Variants in PDE3A observed in about 807,000 individuals in gnomAD.
PDE3A encodes the protein phosphodiesterase 3A.
In PDE3A, 43 loss-of-function variants were observed where a neutral mutation model predicts 98.3. The ratio of observed to expected loss-of-function variants is 0.44; its 90% CI spans 0.34 to 0.56. The LOEUF is 0.56. PDE3A is among the 20% of genes least tolerant of loss of function. The probability of loss-of-function intolerance (pLI) is 0.01; values close to 1 mark genes in which losing one functional copy is unlikely to be tolerated. For missense variants in PDE3A, 1,427 were observed against 1,440.7 expected (o/e 0.99, Z 0.15); for synonymous variants, 663 against 567.9 (o/e 1.17, Z -2.38).
chr12:20,546,118 C>A (rs896577198), intron 1 of PDE3A, among the ~76,000 whole-genome samples: 1 of 151,910 alleles, frequency 6.6e-6, no homozygotes, highest in Non-Finnish European at 1.5e-5. Flanking sequence ...TTCCTGCCAG[C>A]AGAGATTTAA....
At chr12:20,441,574 G>T (rs1229125774) in intron 1 of PDE3A, among the ~76,000 whole-genome samples, 2 of 152,126 alleles carry the variant, frequency 1.3e-5, no homozygotes, top group Non-Finnish European at 2.9e-5. Flanking sequence ...AAAGAATTTA[G>T]GACATGATAC....
At chr12:20,651,004 AATTT>A (rs1944902631) in intron 14 of PDE3A, among the ~76,000 whole-genome samples, 2 of 152,170 alleles carry the variant, frequency 1.3e-5, no homozygotes, top group African/African-American at 2.4e-5. Flanking sequence ...TTTCCTAAAA[AATTT>A]ATTTATTATC....
At chr12:20,509,264 C>A (rs563179554) in intron 1 of PDE3A, among the ~76,000 whole-genome samples, 24 of 152,112 alleles carry the variant, frequency 1.6e-4, no homozygotes, top group Admixed American at 1.4e-3. Flanking sequence ...TAAACAGGAC[C>A]CATAGCATGA....
Position 20,639,977 on chromosome 12 carries a change from G to A in PDE3A, c.2251+20G>A, listed in dbSNP as rs376809077. 19 of 1,058,136 alleles carry A rather than the reference G, an allele frequency of 1.8e-5. No individual in the cohort carries two copies. The highest frequency in any genetic ancestry group is 2.2e-5 in the Non-Finnish European group (15 of 679,140). The allele number at this position is 1,058,136 out of a possible 1,614,324, so 65.5% of individuals were successfully genotyped here. On this transcript the variant is annotated intron_variant, in intron 10 of 15. Coordinates refer to ENST00000359062, the MANE Select transcript of PDE3A (RefSeq NM_000921.5). ...TTCCTTGTAAGTATATGTGATTTGT[G>A]AAATAATACTTTTAAAATATGTCGA...
At chr12:20,660,492 G>T (rs1945140893) in intron 15 of PDE3A, among the ~76,000 whole-genome samples, 1 of 151,706 alleles carries the variant, frequency 6.6e-6, no homozygotes, top group Non-Finnish European at 1.5e-5. Context: ...ACTTCCTGGA[G>T]ATTGGAGGGT....
At chr12:20,420,300 GTGTGACTC>G (rs1490465085) in intron 1 of PDE3A, among the ~76,000 whole-genome samples, 1 of 152,074 alleles carries the variant, frequency 6.6e-6, no homozygotes. Flanking sequence ...GAAAACTGCA[GTGTGACTC>G]TTACCTATAA....
chr12:20,657,696 G>T (rs754801198), intron 15 of PDE3A, among the ~76,000 whole-genome samples: 1 of 152,138 alleles, frequency 6.6e-6, no homozygotes, highest in Non-Finnish European at 1.5e-5. Context: ...TAGACCACCT[G>T]CAGGCTCTAA....
At chr12:20,413,063 T>C (rs1444645) in intron 1 of PDE3A, among the ~76,000 whole-genome samples, 93,957 of 152,092 alleles carry the variant, frequency 0.62, 30,803 homozygotes, top group East Asian at 0.88. Flanking sequence ...GTAACACTAT[T>C]CTGTCCTTTT....
In PDE3A at chr12:20,646,861, T is replaced by G. The variant is rs889556376; in HGVS notation, c.2476T>G (p.Leu826Val). The G allele has an allele frequency of 1.9e-6, 3 of 1,613,650 alleles. No homozygotes were observed. The highest frequency in any genetic ancestry group is 2.7e-5 in the African/African-American group (2 of 74,972). ...CLSGNIPALE[L>V]MALYVAAAMH... ...GTCTGGGAATATCCCTGCCTTGGAG[T>G]TGATGGCGCTGTATGTGGCTGCAGC... is the stretch of plus-strand genomic sequence containing the variant. Residue 826 changes from leucine to valine, a missense_variant, in exon 12 of 16, where the codon TTG becomes GTG. Physicochemically the swap from Leu to Val is conservative, Grantham distance 32. Transcript: ENST00000359062.
In PDE3A at chr12:20,616,224, T is replaced by C; in HGVS notation, c.1270-6T>C. On this transcript the variant is annotated splice_region_variant and splice_polypyrimidine_tract_variant and intron_variant, in intron 3 of 15. Coordinates refer to ENST00000359062, the MANE Select transcript of PDE3A (RefSeq NM_000921.5). ...TCTGGGTAATGAAGTCAAGTCTCTTTCCTAGCGCCTGAGAAGGAGTTTGCC... is the reference window on the plus strand; with the variant it reads ...TCTGGGTAATGAAGTCAAGTCTCTTCCCTAGCGCCTGAGAAGGAGTTTGCC... 6.2e-7 allele frequency: 1 copy of C among 1,613,532 alleles called. No homozygotes were observed. Among genetic ancestry groups the C allele is most frequent in the Non-Finnish European group, 8.5e-7 (1 of 1,179,672 alleles).
intron 1 of PDE3A, among the ~76,000 whole-genome samples, chr12:20,386,891 T>A (rs1020099963): frequency 7.9e-5 from 12 of 152,112 alleles, no homozygotes; most frequent in Admixed American, 1.3e-4. Flanking sequence ...TCTTCTAGGG[T>A]TTTTATAGTT....
chr12:20,600,557 T>C (rs563128313), intron 2 of PDE3A, among the ~76,000 whole-genome samples: 17 of 152,282 alleles, frequency 1.1e-4, no homozygotes, highest in African/African-American at 4.1e-4. Context: ...AGGCCATTCT[T>C]TACCTCCAGG....
intron 1 of PDE3A, among the ~76,000 whole-genome samples, chr12:20,452,413 C>A (rs946777148): frequency 1.3e-5 from 2 of 152,162 alleles, no homozygotes; most frequent in African/African-American, 2.4e-5. Flanking sequence ...TCTCTCTCAT[C>A]CCTTCATTAA....
chr12:20,668,184 G>C (rs1435118182), intron 15 of PDE3A, among the ~76,000 whole-genome samples: 2 of 152,210 alleles, frequency 1.3e-5, no homozygotes, highest in Admixed American at 6.5e-5. Context: ...CCCGCACCTG[G>C]CTTGGAGGGT....
chr12:20,494,615 T>G (rs143463377), intron 1 of PDE3A, among the ~76,000 whole-genome samples: 1 of 152,128 alleles, frequency 6.6e-6, no homozygotes, highest in Non-Finnish European at 1.5e-5. Context: ...ACATGATAAA[T>G]TATGACTTTC....
chr12:20,421,960 T>G (rs1311354384), intron 1 of PDE3A, among the ~76,000 whole-genome samples: 1 of 152,196 alleles, frequency 6.6e-6, no homozygotes, highest in Non-Finnish European at 1.5e-5. Context: ...GTTTTATGAA[T>G]ATAATAGTAT....
At chr12:20,547,196 A>C (rs374996360) in intron 1 of PDE3A, among the ~76,000 whole-genome samples, 38 of 143,072 alleles carry the variant, frequency 2.7e-4, no homozygotes, top group African/African-American at 1.0e-3. Flanking sequence ...TACTGTACTT[A>C]TATAAACTTA....
intron 14 of PDE3A, among the ~76,000 whole-genome samples, chr12:20,650,909 T>C (rs1006467200): frequency 6.6e-6 from 1 of 152,158 alleles, no homozygotes; most frequent in Non-Finnish European, 1.5e-5. Flanking sequence ...TTTATTATCA[T>C]AGAAGGTAGT....
rs58496505 is a variant in PDE3A at position 20,687,914 on chromosome 12, GAAAAAAAA to G, written c.*7659_*7666del. Among the ~76,000 whole-genome samples, 4 of 94,312 alleles carry G rather than the reference GAAAAAAAA, an allele frequency of 4.2e-5. No individual in the cohort carries two copies. The highest frequency in any genetic ancestry group is 1.9e-5 in the Non-Finnish European group (1 of 51,328). 61.9% of individuals were successfully genotyped at this position (94,312 alleles called of 152,430 possible). On this transcript the variant is annotated 3_prime_UTR_variant, in exon 16 of 16. Coordinates refer to ENST00000359062, the MANE Select transcript of PDE3A (RefSeq NM_000921.5). ...GACCAGTCATTACCTCTTCCCAACA[GAAAAAAAA>G]AAAAAAAAAAAAAAACTGGCATTGG...
Sources: gnomAD v4.1 joint callset for allele counts (sites outside exome capture counted in the v4.1 genomes callset) on GRCh38, gnomAD v4.1.1 for gene constraint, MANE v1.5 for transcripts, NCBI Gene and HGNC (gene_info 2026-07-23, HGNC 2026-07-21) for gene names.